Variants in GMDS observed in about 807,000 individuals in gnomAD.
The protein encoded by GMDS is GDP-mannose 4,6 dehydratase.
In GMDS, 20 loss-of-function variants were observed where a neutral mutation model predicts 49.9. That is an observed-to-expected ratio of 0.40 (90% confidence interval 0.28 to 0.58). GMDS has a LOEUF of 0.58. Ranked by LOEUF, GMDS falls within the 20% of genes least tolerant of loss-of-function variation. The probability of loss-of-function intolerance (pLI) is 0.42; values close to 1 mark genes in which losing one functional copy is unlikely to be tolerated. For missense variants in GMDS, 362 were observed against 481.4 expected (o/e 0.75, Z 2.32); for synonymous variants, 177 against 178.6 (o/e 0.99, Z 0.07).
intron 6 of GMDS, among the ~76,000 whole-genome samples, chr6:1,958,140 G>A (rs1250497076): frequency 6.9e-6 from 1 of 144,156 alleles, no homozygotes; most frequent in African/African-American, 2.6e-5. Flanking sequence ...TTTTTAGTTA[G>A]TGGTTAACAT....
chr6:1,848,398 T>C (rs1285207890), intron 7 of GMDS, among the ~76,000 whole-genome samples: 1 of 152,196 alleles, frequency 6.6e-6, no homozygotes, highest in Non-Finnish European at 1.5e-5. Flanking sequence ...TATGGATTCC[T>C]GGCCTCCCAT....
chr6:1,688,522 T>C (rs149874274), intron 9 of GMDS, among the ~76,000 whole-genome samples: 172 of 152,334 alleles, frequency 1.1e-3, no homozygotes, highest in African/African-American at 2.4e-3. Flanking sequence ...ATCCTCTCCG[T>C]GATTCTCCTC....
At chr6:1,720,031 A>G (rs979673256) in intron 9 of GMDS, among the ~76,000 whole-genome samples, 1 of 152,214 alleles carries the variant, frequency 6.6e-6, no homozygotes, top group African/African-American at 2.4e-5. Context: ...AGAAGGACTT[A>G]AGGATAAATC....
Position 2,197,204 on chromosome 6 carries a change from G to T in GMDS, c.102+48117C>A, listed in dbSNP as rs140811648. ...GCTTTAGTAGGAGGTGATGCCAGAG[G>T]CTCTCCCGCACCATAAGGCAAAGCG... On this transcript the variant is annotated intron_variant, in intron 1 of 10. Transcript: ENST00000380815. Among the ~76,000 whole-genome samples, 365 of 152,278 alleles carry T rather than the reference G, an allele frequency of 2.4e-3. 3 individuals carry two copies. In the East Asian group the frequency reaches 0.025, roughly 10 times the overall value.
At chr6:1,758,913 G>A (rs1309655416) in intron 7 of GMDS, among the ~76,000 whole-genome samples, 1 of 152,126 alleles carries the variant, frequency 6.6e-6, no homozygotes, top group African/African-American at 2.4e-5. Flanking sequence ...CCTACCTCAG[G>A]GGGCTGTTTT....
chr6:1,887,109 A>T (rs531336571), intron 7 of GMDS, among the ~76,000 whole-genome samples: 3 of 152,238 alleles, frequency 2.0e-5, no homozygotes, highest in African/African-American at 7.2e-5. Context: ...CAAACCCATG[A>T]AAGTCTGTTG....
intron 7 of GMDS, among the ~76,000 whole-genome samples, chr6:1,816,131 T>C (rs1364871924): frequency 6.6e-6 from 1 of 152,168 alleles, no homozygotes; most frequent in Non-Finnish European, 1.5e-5. Flanking sequence ...CTGAAGGTGG[T>C]GGGATAGGGT....
intron 8 of GMDS, 23 bp from the exon 9 acceptor site, chr6:1,726,535 A>G: frequency 6.6e-7 from 1 of 1,525,458 alleles, no homozygotes; most frequent in Non-Finnish European, 9.1e-7. Flanking sequence ...TAAACACTGA[A>G]TCAGCTCCTA....
intron 7 of GMDS, among the ~76,000 whole-genome samples, chr6:1,748,951 T>C (rs1260207105): frequency 6.6e-6 from 1 of 152,200 alleles, no homozygotes; most frequent in Non-Finnish European, 1.5e-5. Context: ...CACTCAAGCA[T>C]AGATTCTGGG....
intron 7 of GMDS, among the ~76,000 whole-genome samples, 197 bp downstream of exon 7, chr6:1,929,906 T>C (rs1762209331): frequency 6.6e-6 from 1 of 152,196 alleles, no homozygotes; most frequent in Non-Finnish European, 1.5e-5. Context: ...CCATTCAGTG[T>C]AAGCTACCTG....
At chr6:1,790,554 A>G (rs1214079354) in intron 7 of GMDS, among the ~76,000 whole-genome samples, 1 of 152,232 alleles carries the variant, frequency 6.6e-6, no homozygotes, top group Non-Finnish European at 1.5e-5. Flanking sequence ...AAATTTCATG[A>G]GGCAAATTTT....
At chr6:1,681,391 T>C (rs750802835) in intron 9 of GMDS, among the ~76,000 whole-genome samples, 5 of 152,326 alleles carry the variant, frequency 3.3e-5, no homozygotes, top group Non-Finnish European at 7.4e-5. Context: ...TGTTCTAGCA[T>C]CTACAGTCCC....
chr6:1,818,236 T>C (rs907289242), intron 7 of GMDS, among the ~76,000 whole-genome samples: 1 of 152,218 alleles, frequency 6.6e-6, no homozygotes, highest in Non-Finnish European at 1.5e-5. Flanking sequence ...AGATAAGACA[T>C]AGTTAATGCA....
At chr6:1,806,802 A>C (rs1770196397) in intron 7 of GMDS, among the ~76,000 whole-genome samples, 1 of 152,150 alleles carries the variant, frequency 6.6e-6, no homozygotes, top group Non-Finnish European at 1.5e-5. Flanking sequence ...TCTCAACTTC[A>C]GGAACCAACT....
intron 6 of GMDS, among the ~76,000 whole-genome samples, chr6:1,946,100 T>C (rs1032520692): frequency 2.0e-5 from 3 of 152,130 alleles, no homozygotes; most frequent in African/African-American, 7.2e-5. Context: ...TAATTAAATT[T>C]AGAATTTAGC....
At chr6:1,808,775 T>C (rs535586007) in intron 7 of GMDS, among the ~76,000 whole-genome samples, 9 of 152,316 alleles carry the variant, frequency 5.9e-5, no homozygotes, top group South Asian at 2.1e-4. Context: ...TAAAAGATAA[T>C]AGCTAGAATT....
chr6:2,019,084 T>C (rs1223013602), intron 4 of GMDS, among the ~76,000 whole-genome samples: 1 of 151,716 alleles, frequency 6.6e-6, no homozygotes, highest in Non-Finnish European at 1.5e-5. Context: ...TGATGGTTAA[T>C]AATGTTTTTA....
intron 1 of GMDS, among the ~76,000 whole-genome samples, chr6:2,166,552 C>A (rs1001508408): frequency 6.6e-6 from 1 of 152,180 alleles, no homozygotes; most frequent in Admixed American, 6.5e-5. Flanking sequence ...AACCCTAGAA[C>A]CTTATTCATA....
At chr6:2,182,881 A>AT (rs942502882) in intron 1 of GMDS, among the ~76,000 whole-genome samples, 2 of 151,918 alleles carry the variant, frequency 1.3e-5, no homozygotes, top group African/African-American at 4.8e-5. Context: ...TAATTTTTGT[A>AT]TTTTTTTGTA....
Sources: allele counts gnomAD v4.1 joint callset (sites outside exome capture counted in the v4.1 genomes callset), GRCh38; gene constraint gnomAD v4.1.1; transcripts MANE v1.5; gene names NCBI Gene and HGNC (gene_info 2026-07-23, HGNC 2026-07-21).